The following NPAS3 variants were observed in gnomAD, a reference collection of about 807,000 sequenced individuals.
NPAS3 encodes the protein neuronal PAS domain-containing protein 3.
Under a neutral mutation model 73.1 loss-of-function variants are expected in NPAS3, and 14 were observed. That is an observed-to-expected ratio of 0.19 (90% CI 0.13 to 0.30). The LOEUF (loss-of-function observed/expected upper bound fraction) is 0.30. Among genes scored for constraint, NPAS3 ranks in the 10% least tolerant of loss-of-function variants. NPAS3 has a pLI of 1.00. For missense variants in NPAS3, 1,096 were observed against 1,250.0 expected, an observed-to-expected ratio of 0.88 and a Z score of 1.86; for synonymous variants, 620 against 541.5, an observed-to-expected ratio of 1.14 and a Z score of -2.01.
At chr14:33,481,322 C>T (rs2051316074) in intron 4 of NPAS3, among the ~76,000 whole-genome samples, 1 of 152,166 alleles carries the variant, frequency 6.6e-6, no homozygotes, top group African/African-American at 2.4e-5. Flanking sequence ...TCTATCAGTG[C>T]TGCTCATGTG....
chr14:33,726,374 C>CTAGT (rs1288615357), intron 6 of NPAS3, among the ~76,000 whole-genome samples: 2 of 152,148 alleles, frequency 1.3e-5, no homozygotes, highest in Non-Finnish European at 2.9e-5. Context: ...CAAAAGATAA[C>CTAGT]TTCTCTAGAA....
chr14:33,358,719 A>G (rs1412676410), intron 3 of NPAS3, among the ~76,000 whole-genome samples: 1 of 152,182 alleles, frequency 6.6e-6, no homozygotes, highest in African/African-American at 2.4e-5. Context: ...TTTCAATTTT[A>G]TATTCCCTGA....
At chr14:33,646,855 T>C (rs1266348544) in intron 5 of NPAS3, among the ~76,000 whole-genome samples, 2 of 152,136 alleles carry the variant, frequency 1.3e-5, no homozygotes, top group Non-Finnish European at 2.9e-5. Context: ...TAACATTTTT[T>C]TTTTACCTCT....
chr14:33,045,591 G>T (rs981088385), intron 1 of NPAS3, among the ~76,000 whole-genome samples: 3 of 152,074 alleles, frequency 2.0e-5, no homozygotes, highest in Non-Finnish European at 2.9e-5. Context: ...TGATGAGGCT[G>T]GTCCATTTTA....
At chr14:33,508,648 C>T (rs1353821815) in intron 4 of NPAS3, among the ~76,000 whole-genome samples, 1 of 152,048 alleles carries the variant, frequency 6.6e-6, no homozygotes, top group East Asian at 1.9e-4. Flanking sequence ...AATCAGTAAA[C>T]AGAAGCTGCT....
intron 2 of NPAS3, among the ~76,000 whole-genome samples, chr14:33,157,276 A>G (rs1284085574): frequency 6.6e-6 from 1 of 152,242 alleles, no homozygotes; most frequent in East Asian, 1.9e-4. Flanking sequence ...TACTTACAAA[A>G]TCCTGCCTAA....
intron 1 of NPAS3, among the ~76,000 whole-genome samples, chr14:32,993,757 T>C (rs1246773159): frequency 6.6e-6 from 1 of 152,182 alleles, no homozygotes; most frequent in Non-Finnish European, 1.5e-5. Flanking sequence ...GATTTTAATT[T>C]TGAATGAAGG....
chr14:33,690,496 A>G (rs2060206494), intron 6 of NPAS3, among the ~76,000 whole-genome samples: 2 of 152,148 alleles, frequency 1.3e-5, no homozygotes, highest in Admixed American at 1.3e-4. Flanking sequence ...GAAAGGCTCT[A>G]TATATCCCAT....
At chr14:33,189,803 T>C (rs1222693257) in intron 2 of NPAS3, among the ~76,000 whole-genome samples, 2 of 152,296 alleles carry the variant, frequency 1.3e-5, no homozygotes, top group East Asian at 3.9e-4. Context: ...TCCCCAAACA[T>C]TAGATTTAAC....
intron 3 of NPAS3, among the ~76,000 whole-genome samples, chr14:33,221,290 C>A (rs1318241249): frequency 6.6e-6 from 1 of 152,162 alleles, no homozygotes; most frequent in Non-Finnish European, 1.5e-5. Context: ...GAGCAGATCA[C>A]GTGGCACAGA....
intron 7 of NPAS3, among the ~76,000 whole-genome samples, chr14:33,741,840 C>T (rs185031837): frequency 3.9e-5 from 6 of 152,266 alleles, no homozygotes; most frequent in African/African-American, 1.4e-4. Context: ...GGGGAGGTAA[C>T]AGCATCTCTT....
intron 4 of NPAS3, among the ~76,000 whole-genome samples, chr14:33,457,031 C>T (rs776824121): frequency 2.0e-5 from 3 of 152,168 alleles, no homozygotes; most frequent in Non-Finnish European, 2.9e-5. Context: ...GGAGGCAATA[C>T]GGTTCAAGAT....
At chr14:33,423,599 G>A (rs1275337796) in intron 4 of NPAS3, among the ~76,000 whole-genome samples, 1 of 151,958 alleles carries the variant, frequency 6.6e-6, no homozygotes, top group African/African-American at 2.4e-5. Flanking sequence ...TTAAAAAGGA[G>A]ACAAACGTAC....
intron 2 of NPAS3, among the ~76,000 whole-genome samples, chr14:33,161,120 T>G (rs11621540): frequency 0.094 from 14,252 of 152,252 alleles, 734 homozygotes; most frequent in African/African-American, 0.14. Context: ...TTAGAAAGCA[T>G]GGGGATATTA....
At chr14:33,749,758 C>T (rs2140751121) in intron 7 of NPAS3, among the ~76,000 whole-genome samples, 1 of 152,198 alleles carries the variant, frequency 6.6e-6, no homozygotes, top group South Asian at 2.1e-4. Flanking sequence ...GAAGTAGACA[C>T]AGATTGATGC....
chr14:33,509,597 A>T (rs1178270571), intron 4 of NPAS3, among the ~76,000 whole-genome samples: 1 of 152,024 alleles, frequency 6.6e-6, no homozygotes, highest in African/African-American at 2.4e-5. Flanking sequence ...GAGGGTGTGC[A>T]TTAGGCTCAG....
chr14:33,651,611 A>C (rs1276373732), intron 5 of NPAS3, among the ~76,000 whole-genome samples: 1 of 152,032 alleles, frequency 6.6e-6, no homozygotes, highest in African/African-American at 2.4e-5. Flanking sequence ...TCTGTCACTA[A>C]TTCCTTGGTG....
intron 3 of NPAS3, among the ~76,000 whole-genome samples, chr14:33,363,862 G>A (rs957629250): frequency 4.6e-5 from 7 of 151,818 alleles, no homozygotes; most frequent in African/African-American, 1.7e-4. Context: ...CTCTCAGTGA[G>A]CTGGTAACAG....
chr14:32,964,244 T>G (rs889799847), intron 1 of NPAS3, among the ~76,000 whole-genome samples: 1 of 151,926 alleles, frequency 6.6e-6, no homozygotes, highest in Admixed American at 6.6e-5. Context: ...GCTAAGAGTG[T>G]TTTTTGTATT....
Sources: allele counts gnomAD v4.1 joint callset (sites outside exome capture counted in the v4.1 genomes callset), GRCh38; gene constraint gnomAD v4.1.1; transcripts MANE v1.5; gene names NCBI Gene and HGNC (gene_info 2026-07-23, HGNC 2026-07-21).